SPAG16: variants seen among roughly 807,000 people sequenced by gnomAD.
The protein encoded by SPAG16 is sperm associated antigen 16.
Under a neutral mutation model 80.4 loss-of-function variants are expected in SPAG16, and 86 were observed. The observed-to-expected ratio is 1.07, with a 90% confidence interval of 0.90 to 1.28. The LOEUF is 1.28. Ranked by LOEUF, SPAG16 falls within the 50% of genes most tolerant of loss-of-function variation. The probability of loss-of-function intolerance (pLI) is 0.00; values close to 1 mark genes in which losing one functional copy is unlikely to be tolerated. For missense variants in SPAG16, 870 were observed against 765.3 expected (o/e 1.14, Z -1.61); for synonymous variants, 294 against 265.9 (o/e 1.11, Z -1.03).
intron 11 of SPAG16, among the ~76,000 whole-genome samples, chr2:213,881,742 C>T (rs945801186): frequency 1.3e-5 from 2 of 152,206 alleles, no homozygotes; most frequent in Admixed American, 1.3e-4. Flanking sequence ...ATTATCTCCA[C>T]CTGATCTCTT....
rs368399703 is a variant in SPAG16 at position 213,381,052 on chromosome 2, T to A, written c.942+5933T>A. On this transcript the variant is annotated intron_variant, in intron 9 of 15. Transcript: ENST00000331683. ...ATACAATCAGAAGCCAGGGAAACAA[T>A]GAAGGAATGGGTCCATAAATCCACT... Among the ~76,000 whole-genome samples, 73 of 150,048 alleles carry A rather than the reference T, an allele frequency of 4.9e-4. 1 individual carries two copies. In the South Asian group the frequency reaches 0.014, roughly 29 times the overall value.
At chr2:213,927,955 TAA>T (rs900313512) in intron 11 of SPAG16, among the ~76,000 whole-genome samples, 5 of 152,238 alleles carry the variant, frequency 3.3e-5, no homozygotes, top group African/African-American at 1.2e-4. Flanking sequence ...TATTAAAAAC[TAA>T]AATTCTGAAT....
At chr2:213,301,818 C>A (rs1337073268) in intron 3 of SPAG16, among the ~76,000 whole-genome samples, 1 of 152,082 alleles carries the variant, frequency 6.6e-6, no homozygotes, top group African/African-American at 2.4e-5. Context: ...TCCGTAAGAC[C>A]CTGAGCCTTA....
intron 10 of SPAG16, among the ~76,000 whole-genome samples, chr2:213,607,678 T>G (rs892291245): frequency 1.3e-5 from 2 of 152,242 alleles, no homozygotes; most frequent in African/African-American, 4.8e-5. Flanking sequence ...CTCTGTCTAA[T>G]GTGAGTTATC....
At chr2:214,342,852 A>T (rs976593909) in intron 15 of SPAG16, among the ~76,000 whole-genome samples, 1 of 152,188 alleles carries the variant, frequency 6.6e-6, no homozygotes, top group African/African-American at 2.4e-5. Flanking sequence ...AGTCATAAGC[A>T]TATACACACT....
At chr2:213,616,778 A>G (rs543889098) in intron 10 of SPAG16, among the ~76,000 whole-genome samples, 4 of 152,286 alleles carry the variant, frequency 2.6e-5, no homozygotes, top group South Asian at 2.1e-4. Flanking sequence ...ATTCTGAGTC[A>G]TATGCTTCAG....
intron 12 of SPAG16, among the ~76,000 whole-genome samples, chr2:213,964,959 C>G (rs938258288): frequency 6.6e-6 from 1 of 152,196 alleles, no homozygotes; most frequent in African/African-American, 2.4e-5. Flanking sequence ...CAGTCTTTGG[C>G]TGATAAGTAC....
At chr2:213,339,415 T>C (rs1023071123) in intron 5 of SPAG16, among the ~76,000 whole-genome samples, 3 of 152,222 alleles carry the variant, frequency 2.0e-5, no homozygotes, top group African/African-American at 7.2e-5. Context: ...ACTTTTTCAT[T>C]ATAAATTATA....
At chr2:214,297,688 A>T (rs1300993065) in intron 15 of SPAG16, among the ~76,000 whole-genome samples, 1 of 152,034 alleles carries the variant, frequency 6.6e-6, no homozygotes, top group Non-Finnish European at 1.5e-5. Flanking sequence ...TCTGTTTAAT[A>T]GATCTGTGTA....
intron 10 of SPAG16, among the ~76,000 whole-genome samples, chr2:213,576,175 A>T (rs963143583): frequency 1.3e-5 from 2 of 152,202 alleles, no homozygotes; most frequent in African/African-American, 4.8e-5. Flanking sequence ...TTTATTGAAT[A>T]GCGAGTCCAT....
chr2:213,342,797 G>A (rs755595642), intron 6 of SPAG16, among the ~76,000 whole-genome samples: 2 of 151,440 alleles, frequency 1.3e-5, no homozygotes, highest in African/African-American at 2.4e-5. Flanking sequence ...TTTTTTTTAA[G>A]ATGGTGGAAA....
chr2:213,840,658 A>C (rs1331508695), intron 10 of SPAG16, among the ~76,000 whole-genome samples: 1 of 152,146 alleles, frequency 6.6e-6, no homozygotes, highest in Non-Finnish European at 1.5e-5. Flanking sequence ...GAAAAGTAGG[A>C]AGGGCTTCTT....
intron 15 of SPAG16, among the ~76,000 whole-genome samples, chr2:214,278,955 A>T (rs1692681735): frequency 1.3e-5 from 2 of 152,212 alleles, no homozygotes; most frequent in Non-Finnish European, 1.5e-5. Flanking sequence ...TTCCTGTGTC[A>T]TCTTTTAAAC....
intron 6 of SPAG16, among the ~76,000 whole-genome samples, chr2:213,348,231 T>C (rs1487811317): frequency 1.3e-5 from 2 of 152,066 alleles, no homozygotes; most frequent in African/African-American, 2.4e-5. Context: ...TTTTGCTTGG[T>C]AGATCTTCCT....
chr2:213,385,908 A>G (rs951751055), intron 9 of SPAG16, among the ~76,000 whole-genome samples: 2 of 152,078 alleles, frequency 1.3e-5, no homozygotes, highest in Non-Finnish European at 2.9e-5. Context: ...ACTTTCCTAT[A>G]ATATGTTTTC....
intron 15 of SPAG16, among the ~76,000 whole-genome samples, chr2:214,299,187 T>G: frequency 6.7e-6 from 1 of 149,066 alleles, no homozygotes; most frequent in East Asian, 2.0e-4. Context: ...TGTAGACAAA[T>G]AGTAAAAGTC....
At chr2:213,836,763 A>G (rs1273342046) in intron 10 of SPAG16, among the ~76,000 whole-genome samples, 1 of 151,948 alleles carries the variant, frequency 6.6e-6, no homozygotes, top group Admixed American at 6.6e-5. Flanking sequence ...GCAGGCATGT[A>G]CCAATACACC....
intron 12 of SPAG16, among the ~76,000 whole-genome samples, chr2:213,985,647 G>T (rs2106432786): frequency 6.6e-6 from 1 of 152,174 alleles, no homozygotes; most frequent in African/African-American, 2.4e-5. Context: ...TTTAGAAGCT[G>T]AAACAATGAA....
At chr2:213,416,543 C>CT (rs145237875) in intron 9 of SPAG16, among the ~76,000 whole-genome samples, 60 of 136,168 alleles carry the variant, frequency 4.4e-4, no homozygotes, top group African/African-American at 9.8e-4. Flanking sequence ...CATTACTTGA[C>CT]TTGTTTTTTC....
Sources: allele counts gnomAD v4.1 joint callset (sites outside exome capture counted in the v4.1 genomes callset), GRCh38; gene constraint gnomAD v4.1.1; transcripts MANE v1.5; gene names NCBI Gene and HGNC (gene_info 2026-07-23, HGNC 2026-07-21).